Variants in NXPE4 observed in about 807,000 individuals in gnomAD.
NXPE4 encodes NXPE family member 4.
A neutral mutation model predicts 33.3 loss-of-function variants in NXPE4; 42 were observed. The observed-to-expected ratio is 1.26, with a 90% CI of 0.98 to 1.63. The LOEUF (loss-of-function observed/expected upper bound fraction) is 1.63. Ranked by LOEUF, NXPE4 falls within the 40% of genes most tolerant of loss-of-function variation. NXPE4 has a pLI of 0.00. For synonymous variants in NXPE4, 253 were observed against 234.9 expected, an observed-to-expected ratio of 1.08 and a Z score of -0.71; for missense variants, 709 against 647.6, an observed-to-expected ratio of 1.09 and a Z score of -1.03.
At chr11:114,630,201 G>A in the NXPE4 span, among the ~76,000 whole-genome samples, 1 of 151,712 alleles carries the variant, frequency 6.6e-6, no homozygotes, top group Admixed American at 6.6e-5. Flanking sequence ...CCAAAAAAGA[G>A]CCCTCATCGC....
At chr11:114,601,841 TAATATAA>T in the NXPE4 span, among the ~76,000 whole-genome samples, 17 of 61,588 alleles carry the variant, frequency 2.8e-4, no homozygotes, top group South Asian at 9.4e-3. Context: ...ATTATATATA[TAATATAA>T]AATATATAAT....
At chr11:114,663,135 T>C in the NXPE4 span, among the ~76,000 whole-genome samples, 1 of 152,108 alleles carries the variant, frequency 6.6e-6, no homozygotes, top group East Asian at 1.9e-4. Flanking sequence ...CCCTTGGGCC[T>C]TAAGGGAACA....
At chr11:114,628,298 A>T in the NXPE4 span, among the ~76,000 whole-genome samples, 2 of 151,664 alleles carry the variant, frequency 1.3e-5, no homozygotes, top group East Asian at 3.8e-4. Context: ...AATGTAAAAG[A>T]ACAGAAATTA....
the NXPE4 span, among the ~76,000 whole-genome samples, chr11:114,616,374 C>G: frequency 1.3e-5 from 2 of 151,306 alleles, no homozygotes; most frequent in African/African-American, 2.4e-5. Context: ...CCACTGTTAC[C>G]CAGTGGAAAA....
chr11:114,661,959 G>T, the NXPE4 span, among the ~76,000 whole-genome samples: 25,094 of 152,102 alleles, frequency 0.16, 2,539 homozygotes, highest in East Asian at 0.38. Flanking sequence ...CTGGTAAAAG[G>T]ACCTGTAGGA....
chr11:114,670,303 T>C, the NXPE4 span, among the ~76,000 whole-genome samples: 1 of 151,976 alleles, frequency 6.6e-6, no homozygotes, highest in Non-Finnish European at 1.5e-5. Context: ...CCCAAGATGA[T>C]TGTGTGCATG....
the NXPE4 span, among the ~76,000 whole-genome samples, chr11:114,670,363 G>C: frequency 6.6e-6 from 1 of 151,918 alleles, no homozygotes; most frequent in African/African-American, 2.4e-5. Context: ...TGCACTTCTG[G>C]AGAAATAGAC....
chr11:114,677,899 G>A, the NXPE4 span, among the ~76,000 whole-genome samples: 2 of 152,034 alleles, frequency 1.3e-5, no homozygotes, highest in South Asian at 4.1e-4. Flanking sequence ...TGTGACCACT[G>A]AAAATCCTTA....
At chr11:114,672,229 C>T in the NXPE4 span, among the ~76,000 whole-genome samples, 1 of 151,840 alleles carries the variant, frequency 6.6e-6, no homozygotes, top group Admixed American at 6.6e-5. Flanking sequence ...GACACAGAAC[C>T]AAACCATATC....
the NXPE4 span, among the ~76,000 whole-genome samples, chr11:114,645,841 AAATT>A: frequency 6.6e-6 from 1 of 152,174 alleles, no homozygotes; most frequent in Non-Finnish European, 1.5e-5. Context: ...TAGATAGGCC[AAATT>A]TGAGAGTATA....
At chr11:114,591,066 G>A (rs1399948556) in intron 2 of NXPE4, among the ~76,000 whole-genome samples, 1 of 152,136 alleles carries the variant, frequency 6.6e-6, no homozygotes, top group African/African-American at 2.4e-5. Context: ...AAACTCCCCT[G>A]GAAAATCCAG....
At chr11:114,575,465 C>T (rs1054168779) in intron 5 of NXPE4, among the ~76,000 whole-genome samples, 1 of 151,940 alleles carries the variant, frequency 6.6e-6, no homozygotes, top group Non-Finnish European at 1.5e-5. Flanking sequence ...CAAAAAGCTC[C>T]CAGAACTGGT....
At chr11:114,618,854 T>A in the NXPE4 span, among the ~76,000 whole-genome samples, 78 of 152,032 alleles carry the variant, frequency 5.1e-4, 1 homozygote, top group African/African-American at 1.8e-3. Context: ...TGGTACCCAG[T>A]GGATCCTAAG....
At chr11:114,633,456 CTTT>C in the NXPE4 span, among the ~76,000 whole-genome samples, 2 of 143,478 alleles carry the variant, frequency 1.4e-5, no homozygotes, top group African/African-American at 5.1e-5. Context: ...TATATTTTTT[CTTT>C]TTTTTATTTT....
the NXPE4 span, among the ~76,000 whole-genome samples, chr11:114,625,672 C>A: frequency 6.6e-6 from 1 of 152,152 alleles, no homozygotes; most frequent in Admixed American, 6.5e-5. Flanking sequence ...CAGGGAGGAG[C>A]CAAGATGGCC....
chr11:114,615,006 A>C, the NXPE4 span, among the ~76,000 whole-genome samples: 10 of 150,332 alleles, frequency 6.7e-5, no homozygotes, highest in African/African-American at 2.5e-5. Context: ...GGTTTATAAT[A>C]AGTGTTTCCT....
chr11:114,608,780 C>T, the NXPE4 span, among the ~76,000 whole-genome samples: 154 of 150,546 alleles, frequency 1.0e-3, no homozygotes, highest in Admixed American at 2.7e-3. Flanking sequence ...TGGATAACCA[C>T]GGTTACCCTG....
the NXPE4 span, among the ~76,000 whole-genome samples, chr11:114,662,945 C>T: frequency 6.6e-6 from 1 of 152,164 alleles, no homozygotes; most frequent in African/African-American, 2.4e-5. Flanking sequence ...GAGGCTTGCT[C>T]TCTATAAGTA....
chr11:114,630,520 A>T, the NXPE4 span, among the ~76,000 whole-genome samples: 1 of 151,818 alleles, frequency 6.6e-6, no homozygotes, highest in Admixed American at 6.6e-5. Flanking sequence ...ACAAAAATCA[A>T]TTCAAGATGG....
Sources: gnomAD v4.1 joint callset for allele counts (sites outside exome capture counted in the v4.1 genomes callset) on GRCh38, gnomAD v4.1.1 for gene constraint, MANE v1.5 for transcripts, NCBI Gene and HGNC (gene_info 2026-07-23, HGNC 2026-07-21) for gene names.